Variants in CNIH3 observed in about 807,000 individuals in gnomAD.
CNIH3 encodes the protein cornichon family AMPA receptor auxiliary protein 3, also known as protein cornichon homolog 3.
In CNIH3, 14 loss-of-function variants were observed where a neutral mutation model predicts 24.1. The observed-to-expected ratio is 0.58, with a 90% CI of 0.38 to 0.91. The LOEUF (loss-of-function observed/expected upper bound fraction) is 0.91, where lower values mean the gene tolerates loss of function less well. Among genes scored for constraint, CNIH3 ranks in the 40% least tolerant of loss-of-function variants. CNIH3 has a pLI of 0.00. For synonymous variants in CNIH3, 68 were observed against 73.8 expected, an observed-to-expected ratio of 0.92 and a Z score of 0.40; for missense variants, 178 against 196.8, an observed-to-expected ratio of 0.90 and a Z score of 0.57.
intron 3 of CNIH3, among the ~76,000 whole-genome samples, chr1:224,700,986 C>A (rs1687453887): frequency 1.3e-5 from 2 of 152,108 alleles, no homozygotes; most frequent in African/African-American, 4.8e-5. Flanking sequence ...ATGTCCCTTC[C>A]CAGGAGATCC....
At chr1:224,545,479 A>G (rs1679669131) in intron 2 of CNIH3, among the ~76,000 whole-genome samples, 1 of 152,196 alleles carries the variant, frequency 6.6e-6, no homozygotes, top group African/African-American at 2.4e-5. Context: ...ATTCCCAGGC[A>G]TTCTAGTCCT....
At chr1:224,533,035 A>G (rs1450394256) in intron 2 of CNIH3, among the ~76,000 whole-genome samples, 3 of 152,158 alleles carry the variant, frequency 2.0e-5, no homozygotes, top group Admixed American at 6.5e-5. Context: ...TATTCAGGAG[A>G]AATTTATGTG....
chr1:224,668,074 C>T (rs1483913176), intron 1 of CNIH3, among the ~76,000 whole-genome samples: 3 of 152,102 alleles, frequency 2.0e-5, no homozygotes, highest in African/African-American at 7.2e-5. Flanking sequence ...GAAACATAAA[C>T]CAATAATTGC....
intron 3 of CNIH3, among the ~76,000 whole-genome samples, chr1:224,701,197 CTTT>C (rs758489061): frequency 1.4e-4 from 19 of 133,452 alleles, no homozygotes; most frequent in Admixed American, 1.5e-4. Flanking sequence ...GGCTCGGGTT[CTTT>C]TTTTTTTTTT....
At chr1:224,736,444 T>G (rs1294489772) in intron 5 of CNIH3, among the ~76,000 whole-genome samples, 1 of 152,192 alleles carries the variant, frequency 6.6e-6, no homozygotes, top group Non-Finnish European at 1.5e-5. Flanking sequence ...CTGCTGGCTA[T>G]CTTAGAAAAC....
chr1:224,675,298 C>T (rs1298604328), intron 1 of CNIH3, among the ~76,000 whole-genome samples: 1 of 152,132 alleles, frequency 6.6e-6, no homozygotes, highest in African/African-American at 2.4e-5. Context: ...TGGAATAGTC[C>T]TAAATCTATT....
At chr1:224,711,794 CAAA>C (rs11437581) in intron 3 of CNIH3, among the ~76,000 whole-genome samples, 2 of 65,662 alleles carry the variant, frequency 3.0e-5, no homozygotes. Flanking sequence ...GACCCTGTCT[CAAA>C]AAAAAAAAAA....
At chr1:224,444,058 C>A (rs1558462002) in intron 1 of CNIH3, among the ~76,000 whole-genome samples, 1 of 152,150 alleles carries the variant, frequency 6.6e-6, no homozygotes, top group African/African-American at 2.4e-5. Context: ...ATGTCCCCAC[C>A]ATCCAGCTAT....
At chr1:224,499,150 T>A (rs370649781) in intron 1 of CNIH3, among the ~76,000 whole-genome samples, 2 of 152,252 alleles carry the variant, frequency 1.3e-5, no homozygotes, top group South Asian at 2.1e-4. Flanking sequence ...CTTTTAAAAA[T>A]GTTAGTTAAA....
chr1:224,527,263 C>G (rs562946343), intron 2 of CNIH3, among the ~76,000 whole-genome samples: 4 of 152,336 alleles, frequency 2.6e-5, no homozygotes, highest in African/African-American at 9.6e-5. Context: ...CTCTAGCCTG[C>G]TGTCAATCCT....
intron 1 of CNIH3, among the ~76,000 whole-genome samples, chr1:224,642,195 A>G (rs562795094): frequency 2.0e-4 from 30 of 152,280 alleles, no homozygotes; most frequent in African/African-American, 7.2e-4. Flanking sequence ...TTACTGTAAC[A>G]ACTCATTTAA....
intron 1 of CNIH3, among the ~76,000 whole-genome samples, chr1:224,666,901 A>G (rs1021917631): frequency 6.6e-6 from 1 of 152,204 alleles, no homozygotes; most frequent in African/African-American, 2.4e-5. Flanking sequence ...TGCGGTTGAC[A>G]TATGCCTGCT....
intron 1 of CNIH3, among the ~76,000 whole-genome samples, chr1:224,507,251 G>A (rs114940765): frequency 4.6e-5 from 7 of 152,100 alleles, no homozygotes; most frequent in African/African-American, 9.7e-5. Flanking sequence ...AGAAAAGAGC[G>A]GTGCACGAGG....
At position 224,463,773 on chromosome 1, in the gene CNIH3, A is replaced by ATT. The variant is rs56137320; in HGVS notation, n.203+28946_203+28947dup. 6.0e-3 allele frequency among the ~76,000 whole-genome samples: 125 copies of ATT among 20,730 alleles called. 25 individuals are homozygous for ATT. Among genetic ancestry groups the ATT allele is most frequent in the Admixed American group, 0.011 (13 of 1,132 alleles). The allele number at this position is 20,730 out of a possible 152,430, so 13.6% of individuals were successfully genotyped here. On this transcript the variant is annotated intron_variant and non_coding_transcript_variant, in intron 1 of 5. Coordinates refer to the CNIH3 transcript ENST00000471578. ...TTCTCCCAGCTTATGAATTGTCCTC[A>ATT]TTTTTTTTTTTTTTTTTTTTTTTTT...
intron 3 of CNIH3, among the ~76,000 whole-genome samples, chr1:224,599,773 CAG>C (rs1052300096): frequency 5.3e-5 from 8 of 152,094 alleles, no homozygotes; most frequent in Admixed American, 3.9e-4. Flanking sequence ...CTTGTAAAGA[CAG>C]AGAAAGTATA....
At chr1:224,692,181 A>G (rs954137144) in intron 3 of CNIH3, among the ~76,000 whole-genome samples, 4 of 152,116 alleles carry the variant, frequency 2.6e-5, no homozygotes, top group Non-Finnish European at 5.9e-5. Context: ...GCACATCTGT[A>G]GTCCCAGCTA....
intron 1 of CNIH3, chr1:224,454,230 C>A: frequency 1.1e-6 from 1 of 891,690 alleles, no homozygotes; most frequent in African/African-American, 1.8e-5. Context: ...TGAGTAGTAT[C>A]ATTTACAGGC....
chr1:224,702,475 T>C (rs1226703934), intron 3 of CNIH3, among the ~76,000 whole-genome samples: 1 of 152,202 alleles, frequency 6.6e-6, no homozygotes, highest in African/African-American at 2.4e-5. Context: ...AGAGTGTCTG[T>C]TTCCCCACAC....
chr1:224,711,185 T>G (rs186215710), intron 3 of CNIH3, among the ~76,000 whole-genome samples: 10 of 152,376 alleles, frequency 6.6e-5, no homozygotes, highest in African/African-American at 2.4e-4. Flanking sequence ...TCATAATTAA[T>G]TAATAACACA....
Sources: gnomAD v4.1 joint callset for allele counts (sites outside exome capture counted in the v4.1 genomes callset) on GRCh38, gnomAD v4.1.1 for gene constraint, MANE v1.5 for transcripts, NCBI Gene and HGNC (gene_info 2026-07-23, HGNC 2026-07-21) for gene names.